PEMT: variants seen among roughly 807,000 people sequenced by gnomAD.
The protein encoded by PEMT is phosphatidylethanolamine N-methyltransferase, also known as phospholipid methyltransferase.
Under a neutral mutation model 27.4 loss-of-function variants are expected in PEMT, and 23 were observed. That is an observed-to-expected ratio of 0.84 (90% CI 0.60 to 1.19). The LOEUF (loss-of-function observed/expected upper bound fraction) is 1.19. Ranked by LOEUF, PEMT falls within the 50% of genes most tolerant of loss-of-function variation. PEMT has a pLI of 0.00. For synonymous variants in PEMT, 137 were observed against 139.1 expected (o/e 0.98, Z 0.11); for missense variants, 307 against 310.1 (o/e 0.99, Z 0.07).
chr17:17,538,302 G>C (rs1248220693), intron 2 of PEMT, among the ~76,000 whole-genome samples: 1 of 152,224 alleles, frequency 6.6e-6, no homozygotes, highest in Admixed American at 6.5e-5. Context: ...AGGCAGTATT[G>C]TGCCATTGCT....
chr17:17,556,365 T>C (rs1273030226), intron 2 of PEMT, among the ~76,000 whole-genome samples: 1 of 141,096 alleles, frequency 7.1e-6, no homozygotes, highest in Non-Finnish European at 1.5e-5. Context: ...TCCTTCCTGC[T>C]CTCTCTCTCT....
intron 2 of PEMT, chr17:17,570,486 G>A: frequency 2.0e-6 from 2 of 984,538 alleles, no homozygotes; most frequent in Non-Finnish European, 1.2e-6. Context: ...TGTAGTGCCA[G>A]GGATGGCCCC....
intron 2 of PEMT, among the ~76,000 whole-genome samples, chr17:17,564,863 A>T (rs1216113765): frequency 6.6e-6 from 1 of 152,172 alleles, no homozygotes; most frequent in Non-Finnish European, 1.5e-5. Flanking sequence ...GGGCCTTGGG[A>T]GAAAGGCCTC....
intron 2 of PEMT, among the ~76,000 whole-genome samples, chr17:17,575,039 G>A (rs1911485458): frequency 6.6e-6 from 1 of 152,186 alleles, no homozygotes; most frequent in Non-Finnish European, 1.5e-5. Flanking sequence ...ACAAATGACT[G>A]CCAACTTAGG....
intron 2 of PEMT, among the ~76,000 whole-genome samples, chr17:17,555,971 T>C (rs908381784): frequency 1.3e-5 from 2 of 152,208 alleles, no homozygotes; most frequent in Non-Finnish European, 2.9e-5. Flanking sequence ...TGATGTGGCT[T>C]TAAGGAAACA....
rs1347846904 is a variant in PEMT at position 17,587,451 on chromosome 17, T to C, written c.96+4080A>G. On this transcript the variant is annotated intron_variant, in intron 1 of 6. Transcript: ENST00000255389. ...AAAAAAAGAAAGCCTTGAGCCCAGA[T>C]GGTTTCCTGGATGAATTCTGCCTAA... is the stretch of plus-strand genomic sequence containing the variant. Among the ~76,000 whole-genome samples the C allele has an allele frequency of 2.6e-5, 4 of 152,290 alleles. No individual in the cohort carries two copies. The East Asian group carries it at 5.8e-4, about 22-fold the overall frequency.
At chr17:17,511,250 C>G (rs986071874) in intron 4 of PEMT, among the ~76,000 whole-genome samples, 2 of 152,186 alleles carry the variant, frequency 1.3e-5, no homozygotes, top group African/African-American at 2.4e-5. Flanking sequence ...CACCTGCCCC[C>G]ACCTGGCAGA....
chr17:17,529,146 C>A (rs982704027), intron 2 of PEMT, among the ~76,000 whole-genome samples: 11 of 152,198 alleles, frequency 7.2e-5, no homozygotes, highest in Admixed American at 7.2e-4. Context: ...TATGAACAGG[C>A]GGCTCTCCGA....
At chr17:17,577,740 G>A (rs1001553289) in intron 1 of PEMT, among the ~76,000 whole-genome samples, 5 of 151,874 alleles carry the variant, frequency 3.3e-5, no homozygotes, top group African/African-American at 4.8e-5. Flanking sequence ...TAGGTCGGCC[G>A]GGCGCGGTGG....
intron 2 of PEMT, among the ~76,000 whole-genome samples, chr17:17,558,757 A>G (rs1910256625): frequency 6.6e-6 from 1 of 150,452 alleles, no homozygotes; most frequent in Non-Finnish European, 1.5e-5. Flanking sequence ...GTTTGTAGTG[A>G]TTTCTGAGCC....
At chr17:17,521,399 C>A (rs1008376583) in intron 3 of PEMT, among the ~76,000 whole-genome samples, 1 of 152,174 alleles carries the variant, frequency 6.6e-6, no homozygotes, top group South Asian at 2.1e-4. Context: ...TCACATTCCA[C>A]GCAGGTGGGC....
At chr17:17,528,515 G>T (rs745627069) in intron 2 of PEMT, among the ~76,000 whole-genome samples, 10 of 152,226 alleles carry the variant, frequency 6.6e-5, no homozygotes, top group Non-Finnish European at 1.0e-4. Context: ...CCCTCGCCTT[G>T]CAGGGAGCCA....
chr17:17,551,271 C>T (rs749350404), intron 2 of PEMT, among the ~76,000 whole-genome samples: 3 of 152,242 alleles, frequency 2.0e-5, no homozygotes, highest in Non-Finnish European at 4.4e-5. Context: ...TCAAGGGGCA[C>T]ATTGTCACTA....
chr17:17,522,506 AAAG>A (rs1250526825), intron 2 of PEMT, 111 bp from the exon 3 acceptor site: 7 of 710,982 alleles, frequency 9.8e-6, no homozygotes, highest in African/African-American at 3.5e-5. Context: ...CCCCATTTCC[AAAG>A]AAGAAGAATT....
intron 2 of PEMT, among the ~76,000 whole-genome samples, chr17:17,530,627 C>A (rs1908024338): frequency 6.6e-6 from 1 of 152,320 alleles, no homozygotes; most frequent in East Asian, 1.9e-4. Flanking sequence ...TCCTGCCGCA[C>A]AGCCTGAGGA....
chr17:17,542,001 G>GA (rs1404492705), intron 2 of PEMT, among the ~76,000 whole-genome samples: 6 of 152,118 alleles, frequency 3.9e-5, no homozygotes, highest in African/African-American at 1.2e-4. Flanking sequence ...CTTTTTTTGA[G>GA]ATGCAGTCTT....
chr17:17,554,210 G>T (rs990249033), intron 2 of PEMT, among the ~76,000 whole-genome samples: 2 of 152,272 alleles, frequency 1.3e-5, no homozygotes, highest in African/African-American at 4.8e-5. Flanking sequence ...TCAGTACAAA[G>T]AAGACAGCGT....
intron 5 of PEMT, chr17:17,506,911 G>A: frequency 1.9e-6 from 1 of 518,142 alleles, no homozygotes; most frequent in Non-Finnish European, 3.5e-6. Flanking sequence ...CCCAGGTGGT[G>A]GGACAGCAGC....
chr17:17,553,505 C>A (rs1384710339), intron 2 of PEMT, among the ~76,000 whole-genome samples: 1 of 152,154 alleles, frequency 6.6e-6, no homozygotes, highest in African/African-American at 2.4e-5. Context: ...CCCAGAATGA[C>A]CCCTCACATG....
Sources: gnomAD v4.1 joint callset for allele counts (sites outside exome capture counted in the v4.1 genomes callset) on GRCh38, gnomAD v4.1.1 for gene constraint, MANE v1.5 for transcripts, NCBI Gene and HGNC (gene_info 2026-07-23, HGNC 2026-07-21) for gene names.